LRRIQ1: variants seen among roughly 807,000 people sequenced by gnomAD.
LRRIQ1 encodes the protein leucine rich repeats and IQ motif containing 1, also known as leucine-rich repeat- and IQ domain-containing protein 1.
Under a neutral mutation model 211.9 loss-of-function variants are expected in LRRIQ1, and 210 were observed. The ratio of observed to expected loss-of-function variants is 0.99; its 90% CI spans 0.89 to 1.11. The LOEUF (loss-of-function observed/expected upper bound fraction) is 1.11. Among genes scored for constraint, LRRIQ1 ranks in the 50% most tolerant of loss-of-function variants. LRRIQ1 has a pLI of 0.00. For missense variants in LRRIQ1, 2,136 were observed against 1,939.5 expected (o/e 1.10, Z -1.90); for synonymous variants, 699 against 650.1 (o/e 1.08, Z -1.14).
rs761217598 is a variant in LRRIQ1 at position 85,102,944 on chromosome 12, C to CAA, written c.3210-1045_3210-1044dup. Among the ~76,000 whole-genome samples the CAA allele has an allele frequency of 5.2e-3, 457 of 87,674 alleles. 6 individuals are homozygous for CAA. The highest frequency in any genetic ancestry group is 6.9e-3 in the Non-Finnish European group (324 of 46,644). The allele number at this position is 87,674 out of a possible 152,430, so 57.5% of individuals were successfully genotyped here. On this transcript the variant is annotated intron_variant, in intron 13 of 26. Transcript: ENST00000393217. ...ATTCAGAAGGCTTTTCTAATTGTGG[C>CAA]AAAAAAAAAAAAAAAATATATATAT...
intron 17 of LRRIQ1, among the ~76,000 whole-genome samples, chr12:85,126,726 A>G (rs1340333079): frequency 6.6e-6 from 1 of 152,142 alleles, no homozygotes; most frequent in Non-Finnish European, 1.5e-5. Context: ...AATGGGGATG[A>G]TGATGTTAAC....
At chr12:85,077,098 A>G (rs946840486) in intron 11 of LRRIQ1, among the ~76,000 whole-genome samples, 16 of 152,210 alleles carry the variant, frequency 1.1e-4, no homozygotes, top group African/African-American at 3.6e-4. Flanking sequence ...AAAAACCATC[A>G]GACATGGCAA....
Position 85,040,496 on chromosome 12 carries a change from G to A in LRRIQ1, c.139G>A (p.Val47Ile). 1.3e-6 allele frequency: 2 copies of A among 1,533,630 alleles called. No individual in the cohort carries two copies. The highest frequency in any genetic ancestry group is 2.0e-5 in the Admixed American group (1 of 49,282). The change falls in exon 3 of 27, where the codon GTT becomes ATT. Residue 47 changes from valine to isoleucine, a missense_variant. Coordinates refer to ENST00000393217, the MANE Select transcript of LRRIQ1 (RefSeq NM_001079910.2). ...GTATTATTCAAATTTTTAGGATTCA[G>A]TTGAATTACCAGAATCAGTTCTTCA... ...TQSDDSDTDS[V>I]ELPESVLHCI... is the part of the protein sequence containing the mutation.
At chr12:85,264,388 T>C (rs1472733599) in exon 2 of LRRIQ1, 1 of 152,042 alleles carries the variant, frequency 6.6e-6, no homozygotes. Flanking sequence ...TTGAGGATGA[T>C]GAATGGTGCT....
intron 15 of LRRIQ1, among the ~76,000 whole-genome samples, chr12:85,118,499 G>GTTTTTTTT (rs71445022): frequency 7.8e-6 from 1 of 127,860 alleles, no homozygotes; most frequent in Non-Finnish European, 1.7e-5. Context: ...GAAAAACTAT[G>GTTTTTTTT]TTTTTTTTTT....
intron 13 of LRRIQ1, among the ~76,000 whole-genome samples, chr12:85,100,454 A>G (rs559647594): frequency 1.8e-4 from 28 of 151,800 alleles, no homozygotes; most frequent in Non-Finnish European, 3.8e-4. Flanking sequence ...TTCTATTTAT[A>G]ATTTTGTTTG....
intron 3 of LRRIQ1, among the ~76,000 whole-genome samples, chr12:85,043,445 A>C (rs1371744956): frequency 4.6e-5 from 7 of 152,084 alleles, no homozygotes; most frequent in Admixed American, 4.6e-4. Flanking sequence ...GATCATGTAG[A>C]TTCTGAGAAG....
At chr12:85,198,908 G>A (rs571003505) in intron 24 of LRRIQ1, among the ~76,000 whole-genome samples, 1 of 152,242 alleles carries the variant, frequency 6.6e-6, no homozygotes, top group Non-Finnish European at 1.5e-5. Flanking sequence ...CCGAATGTAT[G>A]TCTTCTTTTG....
intron 24 of LRRIQ1, among the ~76,000 whole-genome samples, chr12:85,217,780 C>A (rs181132672): frequency 0.074 from 9,434 of 128,058 alleles, 425 homozygotes; most frequent in Middle Eastern, 0.13. Context: ...GTGTCTCTCT[C>A]TATATATATA....
intron 18 of LRRIQ1, 22 bp from the exon 19 acceptor site, chr12:85,137,828 C>T (rs769833053): frequency 2.9e-5 from 45 of 1,564,516 alleles, no homozygotes; most frequent in Non-Finnish European, 3.6e-5. Flanking sequence ...CTTTGTATAA[C>T]ATACTTTACA....
At chr12:85,073,410 TAA>T (rs1883305306) in intron 11 of LRRIQ1, among the ~76,000 whole-genome samples, 1 of 152,102 alleles carries the variant, frequency 6.6e-6, no homozygotes, top group Non-Finnish European at 1.5e-5. Context: ...AATTTTAGTT[TAA>T]AATAATTTTG....
At chr12:85,091,966 C>T (rs1448614609) in intron 11 of LRRIQ1, among the ~76,000 whole-genome samples, 1 of 152,144 alleles carries the variant, frequency 6.6e-6, no homozygotes, top group African/African-American at 2.4e-5. Flanking sequence ...CAATGGCTCA[C>T]TGCTGTTTGC....
At chr12:85,250,962 T>TTATATATAATATATTTTA (rs1555230711) in intron 1 of LRRIQ1, among the ~76,000 whole-genome samples, 7 of 80,998 alleles carry the variant, frequency 8.6e-5, no homozygotes, top group East Asian at 8.3e-4. Flanking sequence ...ATATTATATA[T>TTATATATAATATATTTTA]TATATTATAT....
At chr12:85,194,857 C>G (rs1210535905) in intron 24 of LRRIQ1, among the ~76,000 whole-genome samples, 1 of 152,034 alleles carries the variant, frequency 6.6e-6, no homozygotes, top group Non-Finnish European at 1.5e-5. Context: ...ACACAAAAAA[C>G]CCTTCAAAAA....
chr12:85,181,004 C>T (rs1047289370), intron 24 of LRRIQ1, among the ~76,000 whole-genome samples: 2 of 138,012 alleles, frequency 1.4e-5, no homozygotes, highest in African/African-American at 5.7e-5. Context: ...TAAATTTTAG[C>T]TGGACAAATT....
intron 11 of LRRIQ1, among the ~76,000 whole-genome samples, chr12:85,074,468 T>C (rs1437563895): frequency 2.6e-5 from 4 of 151,990 alleles, no homozygotes; most frequent in Admixed American, 6.6e-5. Context: ...CTTTTAGTTA[T>C]ATTAAAATGT....
intron 24 of LRRIQ1, among the ~76,000 whole-genome samples, chr12:85,218,312 C>A (rs1894250104): frequency 6.6e-6 from 1 of 151,934 alleles, no homozygotes; most frequent in Non-Finnish European, 1.5e-5. Flanking sequence ...CCCCCTAGAA[C>A]CCCGAAGTTG....
At chr12:85,242,821 A>G (rs924230469) in intron 26 of LRRIQ1, among the ~76,000 whole-genome samples, 1 of 151,898 alleles carries the variant, frequency 6.6e-6, no homozygotes, top group Non-Finnish European at 1.5e-5. Flanking sequence ...TTTTACTTCT[A>G]AAGTTTATTT....
intron 19 of LRRIQ1, among the ~76,000 whole-genome samples, chr12:85,148,213 C>A (rs1455394295): frequency 6.6e-6 from 1 of 151,448 alleles, no homozygotes; most frequent in Non-Finnish European, 1.5e-5. Flanking sequence ...GATACAAGTG[C>A]AGAACATGCA....
Sources: gnomAD v4.1 joint callset for allele counts (sites outside exome capture counted in the v4.1 genomes callset) on GRCh38, gnomAD v4.1.1 for gene constraint, MANE v1.5 for transcripts, NCBI Gene and HGNC (gene_info 2026-07-23, HGNC 2026-07-21) for gene names.